Variants in MIR2052HG observed in about 807,000 individuals in gnomAD.
MIR2052HG encodes MIR2052 host gene.
At chr8:74,639,217 T>C (rs959056584) in intron 2 of MIR2052HG, among the ~76,000 whole-genome samples, 1 of 152,178 alleles carries the variant, frequency 6.6e-6, no homozygotes, top group Non-Finnish European at 1.5e-5. Context: ...TTTCAGCCCA[T>C]GTTTATATTA....
intron 2 of MIR2052HG, among the ~76,000 whole-genome samples, chr8:74,678,957 T>G (rs907726003): frequency 2.0e-5 from 3 of 152,164 alleles, no homozygotes; most frequent in African/African-American, 7.2e-5. Flanking sequence ...AAAATATGAT[T>G]ACCTCAATCA....
chr8:74,612,239 A>G (rs149592831), intron 1 of MIR2052HG, among the ~76,000 whole-genome samples: 315 of 152,330 alleles, frequency 2.1e-3, no homozygotes, highest in Non-Finnish European at 3.5e-3. Context: ...GGTATCCTTG[A>G]GAATTACAAG....
intron 4 of MIR2052HG, among the ~76,000 whole-genome samples, chr8:74,749,105 G>A (rs927435940): frequency 6.6e-6 from 1 of 152,142 alleles, no homozygotes; most frequent in Non-Finnish European, 1.5e-5. Context: ...CTGCAAAAGA[G>A]AAAGGAAAGG....
At chr8:74,600,280 T>C (rs2128729705) in intron 1 of MIR2052HG, among the ~76,000 whole-genome samples, 1 of 151,578 alleles carries the variant, frequency 6.6e-6, no homozygotes, top group East Asian at 1.9e-4. Flanking sequence ...TTCTTTTCTT[T>C]TTTTTTTTTG....
chr8:74,662,549 A>G (rs1033526625), intron 2 of MIR2052HG, among the ~76,000 whole-genome samples: 1 of 152,170 alleles, frequency 6.6e-6, no homozygotes, highest in African/African-American at 2.4e-5. Context: ...ACAAACCTGC[A>G]CATTCTGCAT....
At chr8:74,723,201 G>T (rs6991391) in intron 4 of MIR2052HG, among the ~76,000 whole-genome samples, 35,287 of 152,076 alleles carry the variant, frequency 0.23, 5,257 homozygotes, top group East Asian at 0.64. Flanking sequence ...CTTTCATCCC[G>T]CACTCAAGTC....
chr8:74,700,191 G>T (rs1340899733), intron 2 of MIR2052HG, among the ~76,000 whole-genome samples: 1 of 152,178 alleles, frequency 6.6e-6, no homozygotes, highest in Non-Finnish European at 1.5e-5. Flanking sequence ...CACATGCTGT[G>T]CTGTGTATAT....
intron 2 of MIR2052HG, among the ~76,000 whole-genome samples, chr8:74,664,183 A>G (rs1356430952): frequency 1.3e-5 from 2 of 152,096 alleles, no homozygotes; most frequent in Non-Finnish European, 2.9e-5. Context: ...GTACGATGCA[A>G]ACTACTCAGA....
intron 2 of MIR2052HG, among the ~76,000 whole-genome samples, chr8:74,665,491 A>G (rs1277539544): frequency 1.3e-5 from 2 of 152,102 alleles, no homozygotes; most frequent in African/African-American, 4.8e-5. Flanking sequence ...CCTCCCCAAA[A>G]TGCTGCTTCT....
intron 2 of MIR2052HG, among the ~76,000 whole-genome samples, chr8:74,648,732 GTAT>G (rs1808721366): frequency 6.6e-6 from 1 of 151,602 alleles, no homozygotes; most frequent in Non-Finnish European, 1.5e-5. Context: ...CCCCCGATAC[GTAT>G]TATTTTCTTA....
chr8:74,683,690 T>C (rs1003896834), intron 2 of MIR2052HG, among the ~76,000 whole-genome samples: 9 of 152,104 alleles, frequency 5.9e-5, no homozygotes, highest in Admixed American at 1.3e-4. Context: ...TTTTATTCCT[T>C]CTCTCCCCAG....
At chr8:74,649,040 T>C (rs1808724261) in intron 2 of MIR2052HG, among the ~76,000 whole-genome samples, 1 of 151,342 alleles carries the variant, frequency 6.6e-6, no homozygotes, top group South Asian at 2.1e-4. Context: ...CCCATATGAA[T>C]AGGAGACAGA....
chr8:74,644,760 G>A (rs1409277881), intron 2 of MIR2052HG, among the ~76,000 whole-genome samples: 2 of 152,014 alleles, frequency 1.3e-5, no homozygotes, highest in African/African-American at 2.4e-5. Flanking sequence ...GCATGGTGGT[G>A]CATGCCTGTG....
intron 1 of MIR2052HG, among the ~76,000 whole-genome samples, chr8:74,605,983 C>T (rs1230137596): frequency 1.3e-5 from 2 of 152,100 alleles, no homozygotes; most frequent in African/African-American, 4.8e-5. Context: ...AGTTCTCTGG[C>T]CCCGAAGAAG....
chr8:74,692,808 T>A (rs1046559304), intron 2 of MIR2052HG, among the ~76,000 whole-genome samples: 2 of 152,238 alleles, frequency 1.3e-5, no homozygotes, highest in African/African-American at 4.8e-5. Flanking sequence ...TCTGCCCATA[T>A]TTCAAATGAA....
chr8:74,731,695 G>C (rs1178446141), intron 4 of MIR2052HG, among the ~76,000 whole-genome samples: 1 of 152,112 alleles, frequency 6.6e-6, no homozygotes, highest in Non-Finnish European at 1.5e-5. Context: ...TATTTATTAA[G>C]TTGGAGACCC....
chr8:74,702,215 C>T (rs1394668504), intron 2 of MIR2052HG: 1 of 170,256 alleles, frequency 5.9e-6, no homozygotes, highest in African/African-American at 2.4e-5. Context: ...TGCAGATTGT[C>T]AAATGCCTTT....
intron 2 of MIR2052HG, among the ~76,000 whole-genome samples, chr8:74,616,475 A>C (rs2128732021): frequency 6.6e-6 from 1 of 151,052 alleles, no homozygotes. Context: ...CATGTCTGTT[A>C]AATTTTATGC....
At chr8:74,623,684 AC>A (rs1410643404) in intron 2 of MIR2052HG, among the ~76,000 whole-genome samples, 7 of 152,208 alleles carry the variant, frequency 4.6e-5, no homozygotes, top group Non-Finnish European at 7.3e-5. Flanking sequence ...ACGCTAAGTA[AC>A]CAAAGACTTG....
Sources: gnomAD v4.1 joint callset for allele counts (sites outside exome capture counted in the v4.1 genomes callset) on GRCh38, gnomAD v4.1.1 for gene constraint, MANE v1.5 for transcripts, NCBI Gene and HGNC (gene_info 2026-07-23, HGNC 2026-07-21) for gene names.